The following CDH23 variants were observed in gnomAD, a reference collection of about 807,000 sequenced individuals.
CDH23 encodes cadherin related 23.
CDH23 carries 189 observed loss-of-function variants against 317.1 expected under a neutral mutation model. The observed-to-expected ratio is 0.60, with a 90% CI of 0.53 to 0.67. The LOEUF (loss-of-function observed/expected upper bound fraction) is 0.67, where lower values mean the gene tolerates loss of function less well. Among genes scored for constraint, CDH23 ranks in the 30% least tolerant of loss-of-function variants. CDH23 has a pLI of 0.00. For synonymous variants in CDH23, 1,839 were observed against 1,876.8 expected (o/e 0.98, Z 0.52); for missense variants, 4,401 against 4,592.4 (o/e 0.96, Z 1.20).
At position 71,645,964 on chromosome 10, in the gene CDH23, A is replaced by T. The variant is rs1375537985; in HGVS notation, c.1274A>T (p.Asp425Val). 2 of 1,612,256 alleles carry T rather than the reference A, an allele frequency of 1.2e-6. No homozygotes were observed. Among genetic ancestry groups the T allele is most frequent in the Admixed American group, 1.7e-5 (1 of 59,494 alleles). Residue 425 changes from aspartate to valine, a missense_variant, in exon 13 of 70, where the codon GAC (aspartate) becomes GTC (valine). Asp to Val is a radical substitution (Grantham distance 152). Around this residue, in one of 3 missense-constraint regions of CDH23, gnomAD observed 3,068 missense variants for 3,203.3 expected, o/e 0.96. Coordinates refer to ENST00000224721, the MANE Select transcript of CDH23 (RefSeq NM_022124.6). ...ATCCCACTGGACTACGAGACCGTGG[A>T]CCGCTACGACTTTGATGTAAGGCCC... ...VAIPLDYETVDRYDFDLFANE... is the reference protein window; with the variant it reads ...VAIPLDYETVVRYDFDLFANE...
At chr10:71,769,332 C>T (rs1375887560) in intron 38 of CDH23, among the ~76,000 whole-genome samples, 1 of 152,140 alleles carries the variant, frequency 6.6e-6, no homozygotes, top group Admixed American at 6.5e-5. Context: ...AAGTTTCCAA[C>T]TAGAATTCAA....
intron 1 of CDH23, among the ~76,000 whole-genome samples, chr10:71,430,786 C>T (rs1359389355): frequency 6.6e-6 from 1 of 152,156 alleles, no homozygotes; most frequent in Non-Finnish European, 1.5e-5. Context: ...CGCCACTGCA[C>T]TCCAGCCTGG....
At chr10:71,538,601 G>A (rs981566130) in intron 6 of CDH23, among the ~76,000 whole-genome samples, 8 of 152,140 alleles carry the variant, frequency 5.3e-5, no homozygotes, top group African/African-American at 1.7e-4. Flanking sequence ...ACGGTACAAG[G>A]CAAGTGCATC....
At chr10:71,509,934 T>A (rs942937594) in intron 3 of CDH23, 148 bp from the exon 4 acceptor site, 1 of 787,020 alleles carries the variant, frequency 1.3e-6, no homozygotes, top group Non-Finnish European at 2.1e-6. Flanking sequence ...AGCTCCCAGA[T>A]GCGCCAGGGC....
chr10:71,527,927 G>A (rs1002147520), intron 6 of CDH23, among the ~76,000 whole-genome samples: 16 of 152,024 alleles, frequency 1.1e-4, no homozygotes, highest in Non-Finnish European at 1.9e-4. Flanking sequence ...CACCTCCCTG[G>A]TCCCCATGGC....
chr10:71,658,919 T>A (rs1863528672), intron 14 of CDH23, among the ~76,000 whole-genome samples: 3 of 152,298 alleles, frequency 2.0e-5, no homozygotes, highest in Admixed American at 6.5e-5. Flanking sequence ...GCTCACTCCC[T>A]GGGTGACCTT....
At chr10:71,586,741 C>T (rs1003877867) in intron 9 of CDH23, among the ~76,000 whole-genome samples, 6 of 152,138 alleles carry the variant, frequency 3.9e-5, no homozygotes, top group Non-Finnish European at 8.8e-5. Context: ...AATATCTTAT[C>T]GCATATATGT....
chr10:71,682,704 C>A, intron 18 of CDH23, 132 bp downstream of exon 18: 1 of 1,167,210 alleles, frequency 8.6e-7, no homozygotes, highest in South Asian at 1.5e-5. Context: ...TTTACCCAGC[C>A]ATCTGTCCCA....
Position 71,799,647 on chromosome 10 carries a change from G to A in CDH23, c.7362+18G>A. 1 of 1,613,990 alleles carries A rather than the reference G, an allele frequency of 6.2e-7. No individual in the cohort carries two copies. The highest frequency in any genetic ancestry group is 1.1e-5 in the South Asian group (1 of 91,090). ...CCACCACGGTGAGCAGTGATGGAGGGCCTGGAATTTGGAAGTGGGAAGGAC... is the reference window on the plus strand; with the variant it reads ...CCACCACGGTGAGCAGTGATGGAGGACCTGGAATTTGGAAGTGGGAAGGAC... On this transcript the variant is annotated intron_variant, in intron 52 of 69. Coordinates refer to ENST00000224721, the MANE Select transcript of CDH23 (RefSeq NM_022124.6).
intron 38 of CDH23, among the ~76,000 whole-genome samples, chr10:71,768,773 C>T (rs1840618947): frequency 6.6e-6 from 1 of 152,252 alleles, no homozygotes. Context: ...AGCCACTGTG[C>T]TCGGCCTCAT....
intron 6 of CDH23, among the ~76,000 whole-genome samples, chr10:71,555,169 C>T (rs1402440427): frequency 6.6e-6 from 1 of 152,084 alleles, no homozygotes; most frequent in Non-Finnish European, 1.5e-5. Flanking sequence ...CAACTCATAC[C>T]TTTATTCTTG....
At chr10:71,759,323 C>T (rs1432478709) in intron 38 of CDH23, among the ~76,000 whole-genome samples, 1 of 151,886 alleles carries the variant, frequency 6.6e-6, no homozygotes, top group African/African-American at 2.4e-5. Context: ...CAGGCGTGAG[C>T]CACCGCACCT....
At chr10:71,621,591 G>A (rs1861468080) in intron 11 of CDH23, among the ~76,000 whole-genome samples, 1 of 152,236 alleles carries the variant, frequency 6.6e-6, no homozygotes, top group African/African-American at 2.4e-5. Flanking sequence ...GTCTGGCTGA[G>A]TTTGTGTAGC....
At chr10:71,464,465 C>T (rs1179040164) in intron 3 of CDH23, among the ~76,000 whole-genome samples, 1 of 152,210 alleles carries the variant, frequency 6.6e-6, no homozygotes, top group African/African-American at 2.4e-5. Flanking sequence ...GTCCAGCAGT[C>T]ATTCCCCCAC....
chr10:71,528,465 G>A (rs1252918524), intron 6 of CDH23, among the ~76,000 whole-genome samples: 1 of 152,246 alleles, frequency 6.6e-6, no homozygotes, highest in Non-Finnish European at 1.5e-5. Context: ...TGTCAGGCAG[G>A]CAGGCCCGTC....
intron 3 of CDH23, among the ~76,000 whole-genome samples, chr10:71,478,301 C>G (rs551961536): frequency 6.6e-6 from 1 of 152,320 alleles, no homozygotes; most frequent in East Asian, 1.9e-4. Context: ...CCCCCTCCCT[C>G]CTGCTGTGCC....
intron 3 of CDH23, among the ~76,000 whole-genome samples, chr10:71,463,773 C>T (rs1281800657): frequency 2.0e-5 from 3 of 152,204 alleles, no homozygotes; most frequent in Non-Finnish European, 2.9e-5. Flanking sequence ...TGAAATTTGT[C>T]GGCTGAGTTT....
At chr10:71,773,256 C>A (rs1840728127) in intron 38 of CDH23, 11 of 1,340,478 alleles carry the variant, frequency 8.2e-6, no homozygotes, top group African/African-American at 7.5e-5. Flanking sequence ...CACGGTCACA[C>A]AGGCTGAGAG....
At chr10:71,549,737 C>T (rs1175422627) in intron 6 of CDH23, among the ~76,000 whole-genome samples, 1 of 152,194 alleles carries the variant, frequency 6.6e-6, no homozygotes, top group East Asian at 1.9e-4. Flanking sequence ...GGGTTTTACA[C>T]TTTTCTCCAA....
Sources: gnomAD v4.1 joint callset for allele counts (sites outside exome capture counted in the v4.1 genomes callset) on GRCh38, gnomAD v4.1.1 for gene constraint, gnomAD v4.1.1 regional missense constraint, MANE v1.5 for transcripts, NCBI Gene and HGNC (gene_info 2026-07-23, HGNC 2026-07-21) for gene names.